Variants in EIF3L observed in about 807,000 individuals in gnomAD.
The protein encoded by EIF3L is eIEF associated protein HSPC021.
A neutral mutation model predicts 74.6 loss-of-function variants in EIF3L; 32 were observed. The ratio of observed to expected loss-of-function variants is 0.43; its 90% CI spans 0.32 to 0.58. EIF3L has a LOEUF of 0.58. EIF3L is among the 20% of genes least tolerant of loss of function. The probability of loss-of-function intolerance (pLI) is 0.06; values close to 1 mark genes in which losing one functional copy is unlikely to be tolerated. For synonymous variants in EIF3L, 256 were observed against 254.4 expected, an observed-to-expected ratio of 1.01 and a Z score of -0.06; for missense variants, 474 against 707.8, an observed-to-expected ratio of 0.67 and a Z score of 3.75.
At chr22:37,875,786 G>A (rs551041938) in intron 9 of EIF3L, 55 bp from the exon 10 acceptor site, 1 of 1,543,246 alleles carries the variant, frequency 6.5e-7, no homozygotes, top group East Asian at 2.3e-5. Context: ...TCTACCTCTG[G>A]TTCTATCTAG....
intron 9 of EIF3L, 110 bp downstream of exon 9, chr22:37,874,634 C>A: frequency 7.8e-7 from 1 of 1,277,322 alleles, no homozygotes; most frequent in Non-Finnish European, 1.1e-6. Context: ...GGACTGTTCC[C>A]TCAGGCCATT....
rs184504521 is a variant in EIF3L at position 37,874,534 on chromosome 22, A to G, written c.906+10A>G. ...CGAACTGAACAAGAAGGTGATGCCT[A>G]TTGCCTCTGGCCCCTCTTGCCAGAG... On this transcript the variant is annotated intron_variant, in intron 9 of 12. Transcript: ENST00000652021. 200 of 1,611,928 alleles carry G rather than the reference A, an allele frequency of 1.2e-4. No individual in the cohort carries two copies. Among genetic ancestry groups the G allele is most frequent in the Non-Finnish European group, 1.6e-4 (183 of 1,178,518 alleles).
intron 7 of EIF3L, among the ~76,000 whole-genome samples, chr22:37,863,547 G>A (rs546459895): frequency 1.3e-5 from 2 of 152,234 alleles, no homozygotes; most frequent in South Asian, 2.1e-4. Context: ...GCTGGAAGTC[G>A]GATAAGTTCA....
At position 37,869,028 on chromosome 22, in the gene EIF3L, G is replaced by T. The variant is rs147984709; in HGVS notation, c.580-1148G>T. On this transcript the variant is annotated intron_variant, in intron 7 of 12. Coordinates refer to ENST00000652021, the MANE Select transcript of EIF3L (RefSeq NM_016091.4). ...TTGATCTCATGATCCATCCACCTTGGCTTCCCAAAGTGCTGGGATTATAGG... is the reference window on the plus strand; with the variant it reads ...TTGATCTCATGATCCATCCACCTTGTCTTCCCAAAGTGCTGGGATTATAGG... Among the ~76,000 whole-genome samples the T allele has an allele frequency of 6.3e-3, 953 of 152,234 alleles. 6 individuals are homozygous for T. Among genetic ancestry groups the T allele is most frequent in the African/African-American group, 0.022 (920 of 41,536 alleles).
At chr22:37,850,115 G>A (rs761978366) in intron 2 of EIF3L, 52 bp downstream of exon 2, 1 of 1,601,674 alleles carries the variant, frequency 6.2e-7, no homozygotes, top group Non-Finnish European at 8.5e-7. Context: ...AGTTCCTTTG[G>A]AATGTCTTAG....
At chr22:37,870,952 T>C (rs766594675) in intron 8 of EIF3L, among the ~76,000 whole-genome samples, 1 of 151,954 alleles carries the variant, frequency 6.6e-6, no homozygotes, top group South Asian at 2.1e-4. Flanking sequence ...TAGTGAGACT[T>C]TGTCTCAAAA....
chr22:37,869,659 G>A (rs1926367998), intron 7 of EIF3L, among the ~76,000 whole-genome samples: 1 of 152,138 alleles, frequency 6.6e-6, no homozygotes, highest in Admixed American at 6.6e-5. Flanking sequence ...GTTGTGCTTG[G>A]CCAGACGACT....
At chr22:37,881,043 T>G (rs1223944870) in intron 11 of EIF3L, 1 of 152,194 alleles carries the variant, frequency 6.6e-6, no homozygotes, top group East Asian at 1.9e-4. Flanking sequence ...AAAATACAAG[T>G]AAGGTTTTTA....
In EIF3L at chr22:37,859,113, C is replaced by A. The variant is rs146140307; in HGVS notation, c.435+373C>A. Among the ~76,000 whole-genome samples, 198 of 151,756 alleles carry A rather than the reference C, an allele frequency of 1.3e-3. 2 individuals carry two copies. Among genetic ancestry groups the A allele is most frequent in the African/African-American group, 4.6e-3 (191 of 41,394 alleles). ...CTCTGTTTCTCTGAGATGTACATAA[C>A]ACTGTCACTGTATGCCAAGCACAAT... On this transcript the variant is annotated intron_variant, in intron 5 of 12. Coordinates refer to ENST00000652021, the MANE Select transcript of EIF3L (RefSeq NM_016091.4).
At chr22:37,871,589 C>T (rs1158986835) in intron 8 of EIF3L, among the ~76,000 whole-genome samples, 1 of 152,090 alleles carries the variant, frequency 6.6e-6, no homozygotes, top group Non-Finnish European at 1.5e-5. Context: ...TCATTAGGGC[C>T]GGGTGCCATG....
intron 11 of EIF3L, chr22:37,880,455 A>T (rs1233306219): frequency 6.6e-6 from 1 of 152,142 alleles, no homozygotes; most frequent in Non-Finnish European, 1.5e-5. Flanking sequence ...CCCAGGCTGG[A>T]GTGCAGTGGT....
At chr22:37,864,967 T>C (rs533602603) in intron 7 of EIF3L, among the ~76,000 whole-genome samples, 1 of 152,330 alleles carries the variant, frequency 6.6e-6, no homozygotes, top group South Asian at 2.1e-4. Context: ...ATAGAGTGTT[T>C]AGCATAGTGC....
intron 7 of EIF3L, among the ~76,000 whole-genome samples, chr22:37,868,767 C>T (rs1356141656): frequency 1.3e-5 from 2 of 151,132 alleles, no homozygotes; most frequent in African/African-American, 4.9e-5. Flanking sequence ...CTCAGCCTCC[C>T]GAGTAGCTGG....
chr22:37,862,136 A>G (rs1034769409), intron 5 of EIF3L, among the ~76,000 whole-genome samples: 2 of 152,192 alleles, frequency 1.3e-5, no homozygotes, highest in South Asian at 2.1e-4. Flanking sequence ...GCGCCCAGCT[A>G]TATAATCTTA....
At position 37,855,495 on chromosome 22, in the gene EIF3L, T is replaced by A. The variant is rs185268979; in HGVS notation, c.294-70T>A. 7.9e-4 allele frequency: 1,122 copies of A among 1,413,962 alleles called. 10 individuals carry two copies. In the African/African-American group the frequency reaches 0.014, roughly 18 times the overall value. The allele number at this position is 1,413,962 out of a possible 1,614,324, so 87.6% of individuals were successfully genotyped here. A position where few individuals can be genotyped will look rare whatever the true frequency, so the allele number is the denominator to read the frequency against. On this transcript the variant is annotated intron_variant, in intron 3 of 12. Coordinates refer to ENST00000652021, the MANE Select transcript of EIF3L (RefSeq NM_016091.4). The stretch of plus-strand genomic sequence containing the variant: ...TCCCCTTTCTAAGCCTGGGTCCTCA[T>A]CTGTAAAATGTTAGGATTGGCATTC...
At position 37,877,994 on chromosome 22, in the gene EIF3L, C is replaced by T. The variant is rs764032484; in HGVS notation, c.1398C>T (p.Leu466=). The change falls in exon 11 of 13, where the codon CTC becomes CTT. Residue 466 remains leucine, a synonymous_variant. Transcript: ENST00000652021. ...CAACCATCCGCAGCTTCCTGAAGCT[C>T]TACACCACCATGCCTGTGGCCAAGC... ...QLSTIRSFLK[L]YTTMPVAKLA... 1.4e-5 allele frequency: 23 copies of T among 1,613,314 alleles called. No homozygotes were observed. Among genetic ancestry groups the T allele is most frequent in the Middle Eastern group, 1.8e-4 (1 of 5,594 alleles).
At chr22:37,877,496 T>C in intron 10 of EIF3L, 178 bp from the exon 11 acceptor site, 1 of 688,832 alleles carries the variant, frequency 1.5e-6, no homozygotes, top group Non-Finnish European at 2.4e-6. Context: ...GGAGCTAGGA[T>C]GGAAGTTAGG....
In EIF3L at chr22:37,849,460, C is replaced by T; in HGVS notation, c.11C>T (p.Pro4Leu). 2.5e-6 allele frequency: 4 copies of T among 1,612,548 alleles called. No individual in the cohort carries two copies. The highest frequency in any genetic ancestry group is 1.7e-4 in the Middle Eastern group (1 of 6,054). Residue 4 changes from proline to leucine, a missense_variant, in exon 1 of 13, where the codon CCC becomes CTC. Coordinates refer to ENST00000652021, the MANE Select transcript of EIF3L (RefSeq NM_016091.4). Reference sequence around the variant, plus strand: ...GCAAGCGAGGCAGCCATGTCTTATCCCGCTGATGATTATGAGTCTGAGGTA... The same window carrying T: ...GCAAGCGAGGCAGCCATGTCTTATCTCGCTGATGATTATGAGTCTGAGGTA... MSYPADDYESEAAY... is the reference protein window; with the variant it reads MSYLADDYESEAAY...
intron 11 of EIF3L, chr22:37,885,213 C>T (rs1927257705): frequency 6.6e-6 from 1 of 152,084 alleles, no homozygotes; most frequent in Admixed American, 6.6e-5. Flanking sequence ...GTGTGAGCCA[C>T]CATGCCTGGC....
Sources: gnomAD v4.1 joint callset for allele counts (sites outside exome capture counted in the v4.1 genomes callset) on GRCh38, gnomAD v4.1.1 for gene constraint, MANE v1.5 for transcripts, NCBI Gene and HGNC (gene_info 2026-07-23, HGNC 2026-07-21) for gene names.